Variants in CELF5 observed in about 807,000 individuals in gnomAD.
The protein encoded by CELF5 is CUGBP Elav-like family member 5.
CELF5 carries 6 observed loss-of-function variants against 54.9 expected under a neutral mutation model. That is an observed-to-expected ratio of 0.11 (90% CI 0.06 to 0.22). CELF5 has a LOEUF of 0.22. Among genes scored for constraint, CELF5 ranks in the 10% least tolerant of loss-of-function variants. CELF5 has a pLI of 1.00. For missense variants in CELF5, 401 were observed against 678.6 expected (o/e 0.59, Z 4.54); for synonymous variants, 271 against 290.9 (o/e 0.93, Z 0.70).
intron 1 of CELF5, among the ~76,000 whole-genome samples, chr19:3,237,153 A>G (rs1418745849): frequency 1.3e-5 from 2 of 151,326 alleles, no homozygotes; most frequent in African/African-American, 2.4e-5. Flanking sequence ...TCTACTAAAA[A>G]TACAAAAAAT....
chr19:3,281,981 C>A lies in CELF5; in HGVS notation c.751-145C>A, dbSNP rs1003492626. 24 of 873,872 alleles carry A rather than the reference C, an allele frequency of 2.7e-5. No individual in the cohort carries two copies. Among genetic ancestry groups the A allele is most frequent in the Non-Finnish European group, 3.9e-5 (21 of 540,154 alleles). The allele number at this position is 873,872 out of a possible 1,614,324, so 54.1% of individuals were successfully genotyped here. A position where few individuals can be genotyped will look rare whatever the true frequency, so the allele number is the denominator to read the frequency against. Reference sequence around the variant, plus strand: ...CTGCTCCCAGGCTGAGCCTTGATCCCAGTCTGAGCTCCAATTCTGATCTCA... The same window carrying A: ...CTGCTCCCAGGCTGAGCCTTGATCCAAGTCTGAGCTCCAATTCTGATCTCA... On this transcript the variant is annotated intron_variant, in intron 6 of 12. Coordinates refer to ENST00000292672, the MANE Select transcript of CELF5 (RefSeq NM_021938.4). The surrounding 1 kb of genome is among the most constrained non-coding windows in gnomAD (Gnocchi z 6.5).
At chr19:3,239,153 G>T (rs983067486) in intron 1 of CELF5, among the ~76,000 whole-genome samples, 2 of 152,056 alleles carry the variant, frequency 1.3e-5, no homozygotes, top group African/African-American at 4.8e-5. Flanking sequence ...AGACTGGAGT[G>T]CAGTGGTATG....
intron 1 of CELF5, among the ~76,000 whole-genome samples, chr19:3,231,320 G>A (rs1317268878): frequency 2.0e-5 from 3 of 152,324 alleles, no homozygotes; most frequent in Non-Finnish European, 4.4e-5. Flanking sequence ...ATAGATATGT[G>A]AATCAATGGA....
chr19:3,270,507 G>C (rs923113088), intron 2 of CELF5: 1 of 150,192 alleles, frequency 6.7e-6, no homozygotes, highest in African/African-American at 2.4e-5. Flanking sequence ...CTCCCGGCTC[G>C]GGCGGGCAGC....
intron 9 of CELF5, 72 bp downstream of exon 9, chr19:3,285,036 G>A: frequency 1.7e-6 from 2 of 1,198,688 alleles, no homozygotes; most frequent in Non-Finnish European, 2.3e-6. Flanking sequence ...CCCAGGGCCC[G>A]CCCCGGACGT....
In CELF5 at chr19:3,243,026, G is replaced by C. The variant is rs185362883; in HGVS notation, c.260-7959G>C. Among the ~76,000 whole-genome samples the C allele has an allele frequency of 3.2e-4, 48 of 152,134 alleles. No homozygotes were observed. The East Asian group carries it at 8.7e-3, about 28-fold the overall frequency. ...TTCTACTTACCACCTGTGTGACCTT[G>C]GGCAAGCCACTTCCCCTCTCTGTGC... On this transcript the variant is annotated intron_variant, in intron 1 of 12. Transcript: ENST00000292672.
intron 2 of CELF5, chr19:3,270,545 C>T (rs1406432351): frequency 6.8e-6 from 1 of 147,776 alleles, no homozygotes; most frequent in East Asian, 2.0e-4. Flanking sequence ...GGGCGTCGGG[C>T]GCAGGGCGCG....
chr19:3,262,074 C>T (rs1311480519), intron 2 of CELF5, among the ~76,000 whole-genome samples: 3 of 151,970 alleles, frequency 2.0e-5, no homozygotes, highest in South Asian at 2.1e-4. Flanking sequence ...TTTCTCTGTA[C>T]CCCAGGCTGG....
chr19:3,271,941 C>T (rs758307883), intron 2 of CELF5, among the ~76,000 whole-genome samples: 1 of 152,164 alleles, frequency 6.6e-6, no homozygotes, highest in Non-Finnish European at 1.5e-5. Context: ...AGAAACTCTT[C>T]ACTCACCATG....
At chr19:3,235,106 T>C (rs922013046) in intron 1 of CELF5, among the ~76,000 whole-genome samples, 2 of 152,156 alleles carry the variant, frequency 1.3e-5, no homozygotes, top group African/African-American at 4.8e-5. Context: ...ACTGGCCTCC[T>C]TGCTGTTTCT....
intron 1 of CELF5, among the ~76,000 whole-genome samples, chr19:3,234,359 A>G (rs1194826379): frequency 6.6e-6 from 1 of 152,134 alleles, no homozygotes; most frequent in Non-Finnish European, 1.5e-5. Flanking sequence ...TTGGCCTCCC[A>G]AAGCATTGAG....
intron 1 of CELF5, among the ~76,000 whole-genome samples, chr19:3,230,465 T>C (rs1917202458): frequency 6.6e-6 from 1 of 152,070 alleles, no homozygotes; most frequent in Admixed American, 6.5e-5. Flanking sequence ...GGGAACTGGA[T>C]CTATGAAGGC....
intron 2 of CELF5, among the ~76,000 whole-genome samples, chr19:3,252,305 G>A (rs2079662434): frequency 1.3e-5 from 2 of 152,306 alleles, no homozygotes; most frequent in South Asian, 4.1e-4. Context: ...AAAGTGCTGG[G>A]ATTACAGGTG....
At chr19:3,266,063 T>C (rs2145199176) in intron 2 of CELF5, among the ~76,000 whole-genome samples, 1 of 152,300 alleles carries the variant, frequency 6.6e-6, no homozygotes, top group Admixed American at 6.5e-5. Context: ...CATCTTGACC[T>C]CTGAAAGTGC....
At chr19:3,225,726 C>T (rs1285310788) in intron 1 of CELF5, 3 of 280,952 alleles carry the variant, frequency 1.1e-5, no homozygotes, top group Non-Finnish European at 1.6e-5. Flanking sequence ...CCCCTGGCCC[C>T]ACCACCTCCG....
chr19:3,251,132 C>G, intron 2 of CELF5, 65 bp downstream of exon 2: 1 of 1,223,270 alleles, frequency 8.2e-7, no homozygotes, highest in Non-Finnish European at 1.2e-6. Context: ...GGGTGGGAGC[C>G]AAGGCTCTTC....
At chr19:3,256,910 G>T (rs1568342540) in intron 2 of CELF5, among the ~76,000 whole-genome samples, 1 of 152,060 alleles carries the variant, frequency 6.6e-6, no homozygotes, top group Non-Finnish European at 1.5e-5. Context: ...GTGTCGCCCA[G>T]GTTGGAGTGC....
intron 2 of CELF5, among the ~76,000 whole-genome samples, chr19:3,257,785 TTTTATTTATTTA>T (rs1204284655): frequency 4.7e-4 from 38 of 80,612 alleles, no homozygotes; most frequent in Non-Finnish European, 7.8e-4. Context: ...CTCCATTTTT[TTTTATTTATTTA>T]TTTATTTATT....
At chr19:3,244,498 C>A (rs2079534656) in intron 1 of CELF5, among the ~76,000 whole-genome samples, 1 of 127,724 alleles carries the variant, frequency 7.8e-6, no homozygotes, top group Non-Finnish European at 1.6e-5. Context: ...GGTGTGCATG[C>A]ATCTGTGTGG....
Sources: allele counts gnomAD v4.1 joint callset (sites outside exome capture counted in the v4.1 genomes callset), GRCh38; gene constraint gnomAD v4.1.1; non-coding constraint Gnocchi (gnomAD v3.1); transcripts MANE v1.5; gene names NCBI Gene and HGNC (gene_info 2026-07-23, HGNC 2026-07-21).